The following HHAT variants were observed in gnomAD, a reference collection of about 807,000 sequenced individuals.
HHAT encodes protein-cysteine N-palmitoyltransferase HHAT.
Under a neutral mutation model 70.8 loss-of-function variants are expected in HHAT, and 47 were observed. The ratio of observed to expected loss-of-function variants is 0.66; its 90% CI spans 0.53 to 0.85. The LOEUF is 0.85. Ranked by LOEUF, HHAT falls within the 40% of genes least tolerant of loss-of-function variation. HHAT has a pLI of 0.00. For missense variants in HHAT, 609 were observed against 604.8 expected, an observed-to-expected ratio of 1.01 and a Z score of -0.07; for synonymous variants, 228 against 247.6, an observed-to-expected ratio of 0.92 and a Z score of 0.74.
At chr1:210,637,031 A>G (rs765628679) in intron 11 of HHAT, among the ~76,000 whole-genome samples, 19 of 152,154 alleles carry the variant, frequency 1.2e-4, no homozygotes, top group South Asian at 6.2e-4. Flanking sequence ...GTAAATTGAG[A>G]AAAACACCTA....
chr1:210,505,727 A>G (rs140775219), intron 8 of HHAT, among the ~76,000 whole-genome samples: 1,618 of 152,338 alleles, frequency 0.011, 14 homozygotes, highest in Admixed American at 0.022. Flanking sequence ...AAGCGTAGTG[A>G]TAAAAGACTG....
chr1:210,399,326 G>A (rs746873569), intron 4 of HHAT, among the ~76,000 whole-genome samples: 24 of 152,120 alleles, frequency 1.6e-4, no homozygotes, highest in East Asian at 5.8e-4. Context: ...GTGCGATCTC[G>A]GCTCACAGCA....
At chr1:210,580,856 G>A (rs1028542548) in intron 9 of HHAT, among the ~76,000 whole-genome samples, 3 of 152,088 alleles carry the variant, frequency 2.0e-5, no homozygotes, top group African/African-American at 4.8e-5. Context: ...TGAGATTGCT[G>A]GGTCAAATGG....
At chr1:210,628,940 T>C (rs1406691872) in intron 11 of HHAT, among the ~76,000 whole-genome samples, 1 of 152,236 alleles carries the variant, frequency 6.6e-6, no homozygotes, top group Non-Finnish European at 1.5e-5. Flanking sequence ...GAGGCCATCC[T>C]TTCTGATGAC....
chr1:210,519,640 A>G (rs1558077171), intron 9 of HHAT, among the ~76,000 whole-genome samples: 1 of 147,792 alleles, frequency 6.8e-6, no homozygotes. Context: ...CAATCCGCCT[A>G]CCTTAGCCTC....
Position 210,362,933 on chromosome 1 carries a change from G to A in HHAT, c.159+14G>A, listed in dbSNP as rs778740043. 6.3e-7 allele frequency: 1 copy of A among 1,583,216 alleles called. No individual in the cohort carries two copies. Among genetic ancestry groups the A allele is most frequent in the South Asian group, 1.1e-5 (1 of 90,318 alleles). ...GGATTAAAGAAGGTACAAAGTGGAT[G>A]CATAATAAATCTCAGTTTTCAAACC... On this transcript the variant is annotated intron_variant, in intron 3 of 11. Coordinates refer to ENST00000261458, the MANE Select transcript of HHAT (RefSeq NM_018194.6).
chr1:210,495,212 A>G (rs924818264), intron 8 of HHAT, among the ~76,000 whole-genome samples: 23 of 151,460 alleles, frequency 1.5e-4, no homozygotes, highest in Middle Eastern at 3.5e-3. Context: ...TATATATAGT[A>G]TAGAATATTT....
intron 11 of HHAT, among the ~76,000 whole-genome samples, chr1:210,626,140 G>A (rs1669791037): frequency 6.6e-6 from 1 of 152,210 alleles, no homozygotes; most frequent in Non-Finnish European, 1.5e-5. Flanking sequence ...ATTAACCACG[G>A]AGCTGTGTAG....
intron 9 of HHAT, among the ~76,000 whole-genome samples, chr1:210,515,166 G>A (rs1051773185): frequency 6.6e-6 from 1 of 152,174 alleles, no homozygotes; most frequent in Non-Finnish European, 1.5e-5. Context: ...ATTCAGGTAG[G>A]GGGCAGAGTA....
At chr1:210,412,119 A>AT (rs2092579349) in intron 6 of HHAT, among the ~76,000 whole-genome samples, 1 of 152,126 alleles carries the variant, frequency 6.6e-6, no homozygotes, top group Non-Finnish European at 1.5e-5. Flanking sequence ...TCTCTTTTAT[A>AT]AGGGTGCTAT....
intron 1 of HHAT, among the ~76,000 whole-genome samples, chr1:210,337,338 G>A (rs2085593071): frequency 6.6e-6 from 1 of 151,936 alleles, no homozygotes. Flanking sequence ...CCTCCCATAA[G>A]GCCATGAACT....
At chr1:210,569,399 A>AAAAAAAAAAAAAAAAAG (rs1558182185) in intron 9 of HHAT, among the ~76,000 whole-genome samples, 2 of 148,458 alleles carry the variant, frequency 1.3e-5, no homozygotes, top group South Asian at 2.2e-4. Flanking sequence ...AAAAAAAAAA[A>AAAAAAAAAAAAAAAAAG]GCGTATAGCA....
At chr1:210,533,174 C>G (rs368407723) in intron 9 of HHAT, among the ~76,000 whole-genome samples, 1 of 152,196 alleles carries the variant, frequency 6.6e-6, no homozygotes, top group East Asian at 1.9e-4. Flanking sequence ...CCTATCATTG[C>G]TCACTGGCAC....
chr1:210,609,042 G>A (rs1040172290), intron 10 of HHAT, among the ~76,000 whole-genome samples: 4 of 152,094 alleles, frequency 2.6e-5, no homozygotes, highest in Non-Finnish European at 5.9e-5. Flanking sequence ...GCAGCATGGG[G>A]GAAACTAGCC....
intron 8 of HHAT, among the ~76,000 whole-genome samples, chr1:210,497,227 G>T (rs1173801877): frequency 2.0e-5 from 3 of 152,166 alleles, no homozygotes; most frequent in Non-Finnish European, 4.4e-5. Context: ...TTACAGACAT[G>T]ATTTGTGTAA....
chr1:210,455,973 G>A (rs1358474281), intron 7 of HHAT, among the ~76,000 whole-genome samples: 2 of 152,144 alleles, frequency 1.3e-5, no homozygotes, highest in East Asian at 3.9e-4. Flanking sequence ...AGGGTGTGTA[G>A]ATCCCACTTT....
chr1:210,610,748 C>T (rs1391132263), intron 10 of HHAT, among the ~76,000 whole-genome samples: 1 of 152,110 alleles, frequency 6.6e-6, no homozygotes, highest in East Asian at 1.9e-4. Context: ...CCAGTTCTCC[C>T]AGCACCATTT....
chr1:210,584,444 C>T (rs541263849), intron 9 of HHAT, among the ~76,000 whole-genome samples: 2 of 152,112 alleles, frequency 1.3e-5, no homozygotes, highest in East Asian at 1.9e-4. Flanking sequence ...TAAGGGCAGC[C>T]TCATGATGGG....
At chr1:210,425,414 T>C (rs1249702583) in intron 7 of HHAT, among the ~76,000 whole-genome samples, 1 of 152,192 alleles carries the variant, frequency 6.6e-6, no homozygotes, top group East Asian at 1.9e-4. Context: ...GAAGTCTTTG[T>C]CCATGCCTGT....
Sources: allele counts gnomAD v4.1 joint callset (sites outside exome capture counted in the v4.1 genomes callset), GRCh38; gene constraint gnomAD v4.1.1; transcripts MANE v1.5; gene names NCBI Gene and HGNC (gene_info 2026-07-23, HGNC 2026-07-21).